The following C1orf56 variants were observed in gnomAD, a reference collection of about 807,000 sequenced individuals.
The protein encoded by C1orf56 is chromosome 1 open reading frame 56, also known as protein MENT.
A neutral mutation model predicts 20.7 loss-of-function variants in C1orf56; 14 were observed. The ratio of observed to expected loss-of-function variants is 0.68; its 90% confidence interval spans 0.45 to 1.06. The LOEUF (loss-of-function observed/expected upper bound fraction) is 1.06, where lower values mean the gene tolerates loss of function less well. C1orf56 is among the 50% of genes least tolerant of loss of function. The probability of loss-of-function intolerance (pLI) is 0.00; values close to 1 mark genes in which losing one functional copy is unlikely to be tolerated. For missense variants in C1orf56, 424 were observed against 451.4 expected (o/e 0.94, Z 0.55); for synonymous variants, 187 against 194.7 (o/e 0.96, Z 0.33).
In C1orf56 at chr1:151,048,093, T is replaced by C. The variant is rs923893255; in HGVS notation, c.246T>C (p.Ala82=). The C allele has an allele frequency of 6.2e-6, 10 of 1,613,426 alleles. No individual in the cohort carries two copies. The African/African-American group carries it at 1.3e-4, about 22-fold the overall frequency. The change falls in exon 1 of 2, where the codon GCT becomes GCC. Residue 82 remains alanine (A), a synonymous_variant. Coordinates refer to ENST00000368926, the MANE Select transcript of C1orf56 (RefSeq NM_017860.5). This position sits in a 1 kb window ranked among gnomAD's most constrained non-coding sequence, Gnocchi z 4.8. The part of the protein sequence containing the change: ...ADADRLAGPA[A]AELLAATVST... Reference sequence around the variant, plus strand: ...CCGACCGCCTGGCTGGACCAGCGGCTGCCGAGCTCTTGGCCGCCACGGTGT... The same window carrying C: ...CCGACCGCCTGGCTGGACCAGCGGCCGCCGAGCTCTTGGCCGCCACGGTGT...
Position 151,047,762 on chromosome 1 carries a change from T to G in C1orf56, c.-86T>G, listed in dbSNP as rs1355784920. ...GCGGGCCTCGGTTCAAACGACCCGG[T>G]GGGTCTACAGCGGAAGGGAGGGAGC... On this transcript the variant is annotated 5_prime_UTR_variant, in exon 1 of 2. Coordinates refer to ENST00000368926, the MANE Select transcript of C1orf56 (RefSeq NM_017860.5). 2 of 1,426,124 alleles carry G rather than the reference T, an allele frequency of 1.4e-6. No homozygotes were observed. Among genetic ancestry groups the G allele is most frequent in the South Asian group, 1.5e-5 (1 of 65,938 alleles). The allele number at this position is 1,426,124 out of a possible 1,614,324, so 88.3% of individuals were successfully genotyped here. A position where few individuals can be genotyped will look rare whatever the true frequency, so the allele number is the denominator to read the frequency against.
chr1:151,048,471 G>C lies in C1orf56; in HGVS notation c.624G>C (p.Pro208=), dbSNP rs1429746013. The change falls in exon 1 of 2, where the codon CCG becomes CCC. Residue 208 remains proline (P), a synonymous_variant. Coordinates refer to ENST00000368926, the MANE Select transcript of C1orf56 (RefSeq NM_017860.5). The surrounding 1 kb of genome is among the most constrained non-coding windows in gnomAD (Gnocchi z 4.8). ...DLRLVLMPWG[P]WHCHCKSGTM... ...GGCTGGTGCTGATGCCCTGGGGCCCGTGGCACTGCCACTGCAAGTCGGGCA... is the reference window on the plus strand; with the variant it reads ...GGCTGGTGCTGATGCCCTGGGGCCCCTGGCACTGCCACTGCAAGTCGGGCA... 6.2e-7 allele frequency: 1 copy of C among 1,608,474 alleles called. No homozygotes were observed. The highest frequency in any genetic ancestry group is 1.1e-5 in the South Asian group (1 of 91,062).
chr1:151,048,642 C>T lies in C1orf56; in HGVS notation c.795C>T (p.Asp265=). The change falls in exon 1 of 2, where the codon GAC becomes GAT. Residue 265 remains aspartate, a synonymous_variant. Coordinates refer to ENST00000368926, the MANE Select transcript of C1orf56 (RefSeq NM_017860.5). The surrounding 1 kb of genome is among the most constrained non-coding windows in gnomAD (Gnocchi z 4.8). Reference sequence around the variant, plus strand: ...GACTTCGGGAAGAGTGCCCCCTGGACACAAGTCTCTGTACTGACACCAACT... The same window carrying T: ...GACTTCGGGAAGAGTGCCCCCTGGATACAAGTCTCTGTACTGACACCAACT... ...CNRLREECPL[D]TSLCTDTNCA... 2 of 1,614,028 alleles carry T rather than the reference C, an allele frequency of 1.2e-6. No individual in the cohort carries two copies. Among genetic ancestry groups the T allele is most frequent in the Non-Finnish European group, 1.7e-6 (2 of 1,179,922 alleles).
In C1orf56 at chr1:151,048,333, T is replaced by G. The variant is rs1676103638; in HGVS notation, c.486T>G (p.Thr162=). Residue 162 remains threonine (T), a synonymous_variant, in exon 1 of 2, where the codon ACT becomes ACG. Transcript: ENST00000368926. The surrounding 1 kb of genome is among the most constrained non-coding windows in gnomAD (Gnocchi z 4.8). ...TGCCGCGCTCCCCCGGGAGGTCTAC[T>G]GAGGACCTGCCAGGCTCGCAGGCCA... is the stretch of plus-strand genomic sequence containing the variant. ...SSLPRSPGRS[T]EDLPGSQATL... is the part of the protein sequence containing the mutation. The G allele has an allele frequency of 1.2e-6, 2 of 1,613,962 alleles. No homozygotes were observed. Among genetic ancestry groups the G allele is most frequent in the Non-Finnish European group, 1.7e-6 (2 of 1,180,024 alleles).
rs1676159586 is a variant in C1orf56, at chr1:151,050,686, C to A, written c.*228C>A. 7.2e-6 allele frequency: 3 copies of A among 415,762 alleles called. No homozygotes were observed. The highest frequency in any genetic ancestry group is 3.5e-5 in the East Asian group (1 of 28,418). The allele number at this position is 415,762 out of a possible 1,614,324, so 25.8% of individuals were successfully genotyped here. A position where few individuals can be genotyped will look rare whatever the true frequency, so the allele number is the denominator to read the frequency against. On this transcript the variant is annotated 3_prime_UTR_variant, in exon 2 of 2. Coordinates refer to ENST00000368926, the MANE Select transcript of C1orf56 (RefSeq NM_017860.5). The stretch of plus-strand genomic sequence containing the variant: ...TCTGGCTTGTTTTCTACTCCCTGTC[C>A]CTCAGGATAAAATGTTGATATTGCT...
In C1orf56 at chr1:151,048,501, G is replaced by T; in HGVS notation, c.654G>T (p.Met218Ile). The change falls in exon 1 of 2, where the codon ATG becomes ATT. Residue 218 changes from methionine to isoleucine, a missense_variant. Coordinates refer to ENST00000368926, the MANE Select transcript of C1orf56 (RefSeq NM_017860.5). This position sits in a 1 kb window ranked among gnomAD's most constrained non-coding sequence, Gnocchi z 4.8. The stretch of plus-strand genomic sequence containing the variant: ...ACTGCCACTGCAAGTCGGGCACCAT[G>T]AGCCGGAGCCGGTCTGGGAAGCTGC... ...PWHCHCKSGTMSRSRSGKLHG... is the reference protein window; with the variant it reads ...PWHCHCKSGTISRSRSGKLHG... 1.9e-6 allele frequency: 3 copies of T among 1,610,766 alleles called. No homozygotes were observed. Among genetic ancestry groups the T allele is most frequent in the Non-Finnish European group, 1.7e-6 (2 of 1,179,980 alleles).
At position 151,050,605 on chromosome 1, in the gene C1orf56, GGGA is replaced by G; in HGVS notation, c.*152_*154del. 1 of 753,442 alleles carries G rather than the reference GGGA, an allele frequency of 1.3e-6. No individual in the cohort carries two copies. The highest frequency in any genetic ancestry group is 2.1e-6 in the Non-Finnish European group (1 of 466,286). 46.7% of individuals were successfully genotyped at this position (753,442 alleles called of 1,614,324 possible). On this transcript the variant is annotated 3_prime_UTR_variant, in exon 2 of 2. Transcript: ENST00000368926. ...TGTGTTTCTTTACAGAGGTACCTGA[GGGA>G]GGAGAGACATAAATCCCTTCATCCC...
chr1:151,049,264 C>T (rs890474079), intron 1 of C1orf56, among the ~76,000 whole-genome samples: 3 of 148,512 alleles, frequency 2.0e-5, no homozygotes, highest in African/African-American at 7.4e-5. Context: ...CAGGCACCCA[C>T]CACCATGCCC....
rs587751088 is a variant in C1orf56 at position 151,050,730 on chromosome 1, C to G, written c.*272C>G. On this transcript the variant is annotated 3_prime_UTR_variant, in exon 2 of 2. Coordinates refer to ENST00000368926, the MANE Select transcript of C1orf56 (RefSeq NM_017860.5). ...TATTGCTCATTTTCCTCATTTCCAACATTGTTTTAAAACAAGTACTTCTTT... is the reference window on the plus strand; with the variant it reads ...TATTGCTCATTTTCCTCATTTCCAAGATTGTTTTAAAACAAGTACTTCTTT... 2 of 361,964 alleles carry G rather than the reference C, an allele frequency of 5.5e-6. No homozygotes were observed. The highest frequency in any genetic ancestry group is 8.3e-5 in the East Asian group (2 of 24,022). The allele number at this position is 361,964 out of a possible 1,614,324, so 22.4% of individuals were successfully genotyped here.
rs752238623 is a variant in C1orf56 at position 151,048,062 on chromosome 1, C to G, written c.215C>G (p.Ala72Gly). The change falls in exon 1 of 2, where the codon GCC (alanine) becomes GGC (glycine). Residue 72 changes from alanine (A) to glycine (G), a missense_variant. Physicochemically the swap from Ala to Gly is moderately conservative, Grantham distance 60 (BLOSUM62 0). Coordinates refer to ENST00000368926, the MANE Select transcript of C1orf56 (RefSeq NM_017860.5). The surrounding 1 kb of genome is among the most constrained non-coding windows in gnomAD (Gnocchi z 4.8). ...IILEDENDAM[A>G]DADRLAGPAA... The stretch of plus-strand genomic sequence containing the variant: ...CTAGAGGACGAGAATGATGCCATGG[C>G]CGACGCCGACCGCCTGGCTGGACCA... The G allele has an allele frequency of 1.9e-5, 31 of 1,614,108 alleles. No individual in the cohort carries two copies. Among genetic ancestry groups the G allele is most frequent in the Non-Finnish European group, 2.6e-5 (31 of 1,180,008 alleles).
chr1:151,048,122 C>T lies in C1orf56; in HGVS notation c.275C>T (p.Thr92Ile). ...GAGCTCTTGGCCGCCACGGTGTCCA[C>T]CGGCTTTAGCCGGTCGTCCGCCATT... Reference protein sequence around the residue: ...AAELLAATVSTGFSRSSAINE... With the variant: ...AAELLAATVSIGFSRSSAINE... Residue 92 changes from threonine (T) to isoleucine (I), a missense_variant, in exon 1 of 2, where the codon ACC (threonine) becomes ATC (isoleucine). Thr to Ile is a moderately conservative substitution (Grantham distance 89). Transcript: ENST00000368926. The surrounding 1 kb of genome is among the most constrained non-coding windows in gnomAD (Gnocchi z 4.8). The T allele has an allele frequency of 6.2e-7, 1 of 1,613,356 alleles. No individual in the cohort carries two copies. The highest frequency in any genetic ancestry group is 8.5e-7 in the Non-Finnish European group (1 of 1,179,978).
In C1orf56 at chr1:151,047,894, T is replaced by C. The variant is rs1366008039; in HGVS notation, c.47T>C (p.Leu16Pro). Residue 16 changes from leucine to proline, a missense_variant, in exon 1 of 2, where the codon CTG (leucine) becomes CCG (proline). Physicochemically the swap from Leu to Pro is moderately conservative, Grantham distance 98. Transcript: ENST00000368926. ...CTGCTGTGGGTCCTGCTGCTGAATC[T>C]GGGTCCCCGGGCGGCGGGGGCCCAA... ...GALLWVLLLNLGPRAAGAQGL... is the reference protein window; with the variant it reads ...GALLWVLLLNPGPRAAGAQGL... 1 of 1,606,852 alleles carries C rather than the reference T, an allele frequency of 6.2e-7. No homozygotes were observed.
Position 151,048,161 on chromosome 1 carries a change from G to C in C1orf56, c.314G>C (p.Gly105Ala), listed in dbSNP as rs1438680927. 6.2e-7 allele frequency: 1 copy of C among 1,614,072 alleles called. No homozygotes were observed. Among genetic ancestry groups the C allele is most frequent in the Non-Finnish European group, 8.5e-7 (1 of 1,180,052 alleles). Residue 105 changes from glycine (G) to alanine (A), a missense_variant, in exon 1 of 2, where the codon GGG (glycine) becomes GCG (alanine). By Grantham distance (60) the Gly-to-Ala change is moderately conservative. Coordinates refer to ENST00000368926, the MANE Select transcript of C1orf56 (RefSeq NM_017860.5). The surrounding 1 kb of genome is among the most constrained non-coding windows in gnomAD (Gnocchi z 4.8). ...TCGTCCGCCATTAACGAGGAGGATG[G>C]GTCTTCAGAAGAGGGGGTTGTGATT... ...SRSSAINEED[G>A]SSEEGVVINA...
Position 151,048,381 on chromosome 1 carries a change from T to TG in C1orf56, c.537dup (p.Ser180ValfsTer18). On this transcript the variant is annotated frameshift_variant, in exon 1 of 2. Transcript: ENST00000368926. LOFTEE classifies it high-confidence loss of function. The surrounding 1 kb of genome is among the most constrained non-coding windows in gnomAD (Gnocchi z 4.8). Reference sequence around the variant, plus strand: ...CCACCCTGAGCCAGTGGTCCACACCTGGGTCTACCCCGAGCCGGTGGCCGT... The same window carrying TG: ...CCACCCTGAGCCAGTGGTCCACACCTGGGGTCTACCCCGAGCCGGTGGCCGT... 3.7e-6 allele frequency: 6 copies of TG among 1,612,928 alleles called. No individual in the cohort carries two copies. Among genetic ancestry groups the TG allele is most frequent in the Non-Finnish European group, 5.1e-6 (6 of 1,179,938 alleles).
rs1676105400 is a variant in C1orf56, at chr1:151,048,410, C to A, written c.563C>A (p.Pro188His). Reference protein sequence around the residue: ...PGSTPSRWPSPSPTAMPSPED... With the variant: ...PGSTPSRWPSHSPTAMPSPED... ...TCTACCCCGAGCCGGTGGCCGTCAC[C>A]CTCACCCACAGCCATGCCATCTCCT... Residue 188 changes from proline to histidine, a missense_variant, in exon 1 of 2, where the codon CCC (proline) becomes CAC (histidine). Transcript: ENST00000368926. This position sits in a 1 kb window ranked among gnomAD's most constrained non-coding sequence, Gnocchi z 4.8. 3.7e-6 allele frequency: 6 copies of A among 1,611,044 alleles called. No individual in the cohort carries two copies. The highest frequency in any genetic ancestry group is 5.1e-6 in the Non-Finnish European group (6 of 1,179,964).
Position 151,048,884 on chromosome 1 carries a change from T to C in C1orf56, c.1005+32T>C, listed in dbSNP as rs1676118525. Reference sequence around the variant, plus strand: ...GTTTGGTGATGAGCCAGGGTCTTTGTTGACGGATCTGAAAAGTCCTGGTAT... The same window carrying C: ...GTTTGGTGATGAGCCAGGGTCTTTGCTGACGGATCTGAAAAGTCCTGGTAT... On this transcript the variant is annotated intron_variant, in intron 1 of 1. Coordinates refer to ENST00000368926, the MANE Select transcript of C1orf56 (RefSeq NM_017860.5). The surrounding 1 kb of genome is among the most constrained non-coding windows in gnomAD (Gnocchi z 4.8). 10 of 1,515,638 alleles carry C rather than the reference T, an allele frequency of 6.6e-6. No homozygotes were observed. Among genetic ancestry groups the C allele is most frequent in the East Asian group, 2.3e-5 (1 of 43,764 alleles). 93.9% of individuals were successfully genotyped at this position (1,515,638 alleles called of 1,614,324 possible).
In C1orf56 at chr1:151,048,491, C is replaced by A; in HGVS notation, c.644C>A (p.Ser215Ter). The A allele has an allele frequency of 1.2e-6, 2 of 1,609,830 alleles. No homozygotes were observed. Among genetic ancestry groups the A allele is most frequent in the Non-Finnish European group, 1.7e-6 (2 of 1,179,916 alleles). Residue 215 changes from serine to a stop codon, truncating the protein, a stop_gained, in exon 1 of 2, where the codon TCG becomes TAG. Coordinates refer to ENST00000368926, the MANE Select transcript of C1orf56 (RefSeq NM_017860.5). LOFTEE classifies it high-confidence loss of function. The surrounding 1 kb of genome is among the most constrained non-coding windows in gnomAD (Gnocchi z 4.8). ...PWGPWHCHCKSGTMSRSRSGK... is the reference protein window; with the variant it reads ...PWGPWHCHCK ...GGCCCGTGGCACTGCCACTGCAAGTCGGGCACCATGAGCCGGAGCCGGTCT... is the reference window on the plus strand; with the variant it reads ...GGCCCGTGGCACTGCCACTGCAAGTAGGGCACCATGAGCCGGAGCCGGTCT...
chr1:151,049,100 T>C (rs1287145717), intron 1 of C1orf56, among the ~76,000 whole-genome samples: 2 of 152,084 alleles, frequency 1.3e-5, no homozygotes, highest in Non-Finnish European at 1.5e-5. Flanking sequence ...ATTGACCAAA[T>C]AGTTAAGATT....
rs1295546781 is a variant in C1orf56, at chr1:151,050,475, A to G, written c.*17A>G. The G allele has an allele frequency of 6.2e-7, 1 of 1,606,876 alleles. No individual in the cohort carries two copies. The highest frequency in any genetic ancestry group is 2.2e-5 in the East Asian group (1 of 44,686). On this transcript the variant is annotated 3_prime_UTR_variant, in exon 2 of 2. Coordinates refer to ENST00000368926, the MANE Select transcript of C1orf56 (RefSeq NM_017860.5). Reference sequence around the variant, plus strand: ...CAGAGGTAATGGCCACTTCATCCACATGAGGAGATGTCAGTATCTCAACCT... The same window carrying G: ...CAGAGGTAATGGCCACTTCATCCACGTGAGGAGATGTCAGTATCTCAACCT...
Sources: gnomAD v4.1 joint callset for allele counts (sites outside exome capture counted in the v4.1 genomes callset) on GRCh38, gnomAD v4.1.1 for gene constraint, Gnocchi (gnomAD v3.1) non-coding constraint, MANE v1.5 for transcripts, NCBI Gene and HGNC (gene_info 2026-07-23, HGNC 2026-07-21) for gene names.